RGS6: variants seen among roughly 807,000 people sequenced by gnomAD.
RGS6 encodes regulator of G protein signaling 6.
RGS6 carries 30 observed loss-of-function variants against 78.5 expected under a neutral mutation model. That is an observed-to-expected ratio of 0.38 (90% confidence interval 0.29 to 0.52). The LOEUF is 0.52. Among genes scored for constraint, RGS6 ranks in the 20% least tolerant of loss-of-function variants. The pLI is 0.85. For missense variants in RGS6, 495 were observed against 609.7 expected, an observed-to-expected ratio of 0.81 and a Z score of 1.98; for synonymous variants, 206 against 206.0, an observed-to-expected ratio of 1.00 and a Z score of 0.00.
chr14:72,189,137 A>C (rs1446384643), intron 2 of RGS6, among the ~76,000 whole-genome samples: 1 of 152,206 alleles, frequency 6.6e-6, no homozygotes, highest in African/African-American at 2.4e-5. Flanking sequence ...CTGCCATTGT[A>C]GCCAAAACTA....
intron 2 of RGS6, among the ~76,000 whole-genome samples, chr14:72,004,329 A>G (rs1301127424): frequency 1.3e-5 from 2 of 152,232 alleles, no homozygotes; most frequent in Non-Finnish European, 2.9e-5. Flanking sequence ...GGGCACTTAC[A>G]AATTAAAACA....
the RGS6 span, among the ~76,000 whole-genome samples, chr14:71,902,626 C>T: frequency 4.0e-5 from 6 of 151,780 alleles, no homozygotes; most frequent in South Asian, 4.2e-4. Context: ...AGGAAAACTC[C>T]GAGAACTACA....
At chr14:72,481,955 C>A (rs963637076) in intron 12 of RGS6, among the ~76,000 whole-genome samples, 1 of 151,820 alleles carries the variant, frequency 6.6e-6, no homozygotes. Flanking sequence ...ATTACAGGCA[C>A]CTGCCACCAA....
intron 3 of RGS6, among the ~76,000 whole-genome samples, chr14:72,394,230 G>A (rs926647029): frequency 2.6e-5 from 4 of 151,976 alleles, no homozygotes; most frequent in Non-Finnish European, 4.4e-5. Context: ...ATCACATGTC[G>A]GCAGGTTCTG....
At chr14:72,232,587 C>T (rs1281772466) in intron 2 of RGS6, among the ~76,000 whole-genome samples, 1 of 152,158 alleles carries the variant, frequency 6.6e-6, no homozygotes, top group Non-Finnish European at 1.5e-5. Context: ...CATGGGGTGG[C>T]ATGAGCAGCC....
At chr14:72,049,246 A>G (rs1029671092) in intron 2 of RGS6, among the ~76,000 whole-genome samples, 1 of 152,206 alleles carries the variant, frequency 6.6e-6, no homozygotes, top group African/African-American at 2.4e-5. Context: ...CTTTCTAGTA[A>G]TAGCAGGAGG....
intron 17 of RGS6, among the ~76,000 whole-genome samples, chr14:72,546,478 C>T (rs1025138387): frequency 2.0e-5 from 3 of 152,158 alleles, no homozygotes; most frequent in South Asian, 2.1e-4. Flanking sequence ...TAGACCCTGA[C>T]GTTTCCGTTG....
chr14:72,527,736 C>T (rs2097135896), intron 15 of RGS6, among the ~76,000 whole-genome samples: 1 of 152,164 alleles, frequency 6.6e-6, no homozygotes, highest in Non-Finnish European at 1.5e-5. Context: ...GAAAGGTGAG[C>T]TTTTGGCTCC....
chr14:72,038,039 C>T (rs2091956834), intron 2 of RGS6, among the ~76,000 whole-genome samples: 1 of 151,332 alleles, frequency 6.6e-6, no homozygotes, highest in South Asian at 2.1e-4. Flanking sequence ...GGTGCAATCT[C>T]AGTCACTGCA....
intron 2 of RGS6, among the ~76,000 whole-genome samples, chr14:72,112,881 T>A (rs2095799857): frequency 6.6e-6 from 1 of 152,166 alleles, no homozygotes; most frequent in African/African-American, 2.4e-5. Context: ...TGTTGTTACC[T>A]TGAATATAAG....
intron 15 of RGS6, among the ~76,000 whole-genome samples, chr14:72,529,318 T>A (rs2097154118): frequency 6.6e-6 from 1 of 152,170 alleles, no homozygotes; most frequent in African/African-American, 2.4e-5. Context: ...ACTGCTGTGG[T>A]CGGTTGTTCC....
intron 2 of RGS6, among the ~76,000 whole-genome samples, chr14:71,972,280 T>C (rs2093858593): frequency 6.6e-6 from 1 of 151,918 alleles, no homozygotes; most frequent in African/African-American, 2.4e-5. Context: ...AGAAAATCTT[T>C]GTGGGCCATT....
chr14:72,397,841 G>T (rs2091693688), intron 3 of RGS6, among the ~76,000 whole-genome samples: 1 of 152,070 alleles, frequency 6.6e-6, no homozygotes, highest in Non-Finnish European at 1.5e-5. Context: ...CTGTTTATAT[G>T]CTGGATTACG....
intron 3 of RGS6, among the ~76,000 whole-genome samples, chr14:72,402,155 C>G (rs1289546112): frequency 6.6e-6 from 1 of 152,172 alleles, no homozygotes; most frequent in Non-Finnish European, 1.5e-5. Context: ...TGAACCCAGC[C>G]AGAAGGCAAA....
At chr14:72,622,760 C>A in the RGS6 span, among the ~76,000 whole-genome samples, 5 of 152,006 alleles carry the variant, frequency 3.3e-5, no homozygotes, top group Non-Finnish European at 7.4e-5. Context: ...TCACCTATTA[C>A]TACAGTTCCA....
intron 1 of RGS6, among the ~76,000 whole-genome samples, chr14:71,959,646 G>A (rs1273793077): frequency 3.9e-5 from 6 of 152,046 alleles, no homozygotes; most frequent in Non-Finnish European, 1.5e-5. Context: ...GGAGGTTGTT[G>A]GACCGCTGAA....
At chr14:71,875,906 A>G in the RGS6 span, among the ~76,000 whole-genome samples, 1 of 152,174 alleles carries the variant, frequency 6.6e-6, no homozygotes, top group Admixed American at 6.5e-5. Flanking sequence ...TTATGTACCC[A>G]GTAGTCATTC....
At chr14:72,536,780 C>T (rs977906612) in intron 16 of RGS6, among the ~76,000 whole-genome samples, 1 of 152,082 alleles carries the variant, frequency 6.6e-6, no homozygotes, top group Non-Finnish European at 1.5e-5. Context: ...TAAAGTCATC[C>T]TGGGGTTTCT....
At chr14:72,352,379 A>G (rs965821885) in intron 3 of RGS6, among the ~76,000 whole-genome samples, 185 bp downstream of exon 3, 1 of 152,224 alleles carries the variant, frequency 6.6e-6, no homozygotes, top group Non-Finnish European at 1.5e-5. Context: ...GCCCATCATT[A>G]AGAATGACCT....
Sources: gnomAD v4.1 joint callset for allele counts (sites outside exome capture counted in the v4.1 genomes callset) on GRCh38, gnomAD v4.1.1 for gene constraint, MANE v1.5 for transcripts, NCBI Gene and HGNC (gene_info 2026-07-23, HGNC 2026-07-21) for gene names.